The following TSPAN15 variants were observed in gnomAD, a reference collection of about 807,000 sequenced individuals.
The protein encoded by TSPAN15 is tetraspanin-15.
A neutral mutation model predicts 34.5 loss-of-function variants in TSPAN15; 20 were observed. The ratio of observed to expected loss-of-function variants is 0.58; its 90% CI spans 0.41 to 0.84. The LOEUF (loss-of-function observed/expected upper bound fraction) is 0.84, where lower values mean the gene tolerates loss of function less well. TSPAN15 is among the 40% of genes least tolerant of loss of function. The pLI, the probability that TSPAN15 is intolerant of heterozygous loss-of-function variation, is 0.00. For synonymous variants in TSPAN15, 155 were observed against 153.9 expected (o/e 1.01, Z -0.05); for missense variants, 313 against 386.1 (o/e 0.81, Z 1.59).
At chr10:69,466,660 T>G (rs1331317841) in intron 1 of TSPAN15, among the ~76,000 whole-genome samples, 1 of 152,206 alleles carries the variant, frequency 6.6e-6, no homozygotes, top group Non-Finnish European at 1.5e-5. Flanking sequence ...GGCTGGAGTT[T>G]GGGAGACACT....
At chr10:69,519,251 A>AAAT in the TSPAN15 span, among the ~76,000 whole-genome samples, 1 of 152,038 alleles carries the variant, frequency 6.6e-6, no homozygotes, top group Non-Finnish European at 1.5e-5. Flanking sequence ...CTGTCTCTAC[A>AAAT]AATAATAATA....
chr10:69,455,859 C>T (rs574353201), intron 1 of TSPAN15, among the ~76,000 whole-genome samples: 1 of 152,046 alleles, frequency 6.6e-6, no homozygotes, highest in East Asian at 1.9e-4. Context: ...GTACACTGAG[C>T]CCCCAGGTCA....
the TSPAN15 span, among the ~76,000 whole-genome samples, chr10:69,534,970 G>T: frequency 2.0e-5 from 3 of 152,116 alleles, no homozygotes; most frequent in Admixed American, 6.6e-5. Flanking sequence ...GGGTGACAGG[G>T]TGAGATTCTG....
At chr10:69,491,444 G>A (rs1476715590) in intron 3 of TSPAN15, among the ~76,000 whole-genome samples, 1 of 152,182 alleles carries the variant, frequency 6.6e-6, no homozygotes, top group Non-Finnish European at 1.5e-5. Context: ...GCTCATTGCA[G>A]CCTCAGCTCC....
At chr10:69,498,468 C>T in intron 5 of TSPAN15, 72 bp downstream of exon 5, 6 of 1,274,446 alleles carry the variant, frequency 4.7e-6, no homozygotes, top group Non-Finnish European at 6.8e-6. Flanking sequence ...TCTTTTCTCT[C>T]TTCCCAACTT....
downstream of TSPAN15, among the ~76,000 whole-genome samples, chr10:69,508,173 G>A (rs1842375768): frequency 6.6e-6 from 1 of 152,152 alleles, no homozygotes; most frequent in Non-Finnish European, 1.5e-5. Flanking sequence ...GCCGGGCATG[G>A]TGGCTCACGC....
chr10:69,454,552 C>T (rs1028484092), intron 1 of TSPAN15, among the ~76,000 whole-genome samples: 1 of 152,118 alleles, frequency 6.6e-6, no homozygotes, highest in South Asian at 2.1e-4. Flanking sequence ...CATTGTGGCT[C>T]ATGCCTGTAA....
At chr10:69,464,328 C>T (rs943530690) in intron 1 of TSPAN15, among the ~76,000 whole-genome samples, 1 of 151,372 alleles carries the variant, frequency 6.6e-6, no homozygotes, top group South Asian at 2.1e-4. Context: ...AGGGAGGGCC[C>T]TGAGAACCAC....
At chr10:69,542,042 C>T in the TSPAN15 span, among the ~76,000 whole-genome samples, 1 of 152,170 alleles carries the variant, frequency 6.6e-6, no homozygotes. Context: ...TATCGCATTG[C>T]CAGGGTGCAA....
the TSPAN15 span, among the ~76,000 whole-genome samples, chr10:69,544,647 G>T: frequency 6.6e-6 from 1 of 152,174 alleles, no homozygotes; most frequent in Admixed American, 6.5e-5. Context: ...TCCTCTTCCG[G>T]AAAAGAGAGG....
chr10:69,539,756 A>G, the TSPAN15 span, among the ~76,000 whole-genome samples: 3 of 152,082 alleles, frequency 2.0e-5, no homozygotes, highest in African/African-American at 7.2e-5. Context: ...ACCTGTCTCC[A>G]GATTTACCTC....
chr10:69,463,767 G>A (rs986124019), intron 1 of TSPAN15, among the ~76,000 whole-genome samples: 3 of 145,570 alleles, frequency 2.1e-5, no homozygotes, highest in African/African-American at 7.7e-5. Flanking sequence ...CCGAGATGGC[G>A]CTACTGCACT....
At chr10:69,544,928 C>T in the TSPAN15 span, among the ~76,000 whole-genome samples, 19 of 152,296 alleles carry the variant, frequency 1.2e-4, no homozygotes, top group African/African-American at 1.7e-4. Context: ...GGCCACACAG[C>T]GCGCCCCTTT....
chr10:69,531,950 A>C, the TSPAN15 span, among the ~76,000 whole-genome samples: 9,035 of 115,830 alleles, frequency 0.078, 312 homozygotes, highest in East Asian at 0.18. Context: ...CAAAAAAAAA[A>C]CAAAAAAAAA....
the TSPAN15 span, among the ~76,000 whole-genome samples, chr10:69,547,469 T>C: frequency 2.7e-3 from 416 of 152,340 alleles, 2 homozygotes; most frequent in African/African-American, 9.7e-3. Context: ...TTGTTGCTAT[T>C]CTGCCATTTT....
intron 1 of TSPAN15, among the ~76,000 whole-genome samples, chr10:69,474,949 G>T (rs112800678): frequency 6.6e-6 from 1 of 152,256 alleles, no homozygotes; most frequent in Admixed American, 6.5e-5. Flanking sequence ...GGGTCTGGGG[G>T]GGCCTGGCCG....
chr10:69,454,628 G>C (rs911568941), intron 1 of TSPAN15, among the ~76,000 whole-genome samples: 1 of 151,988 alleles, frequency 6.6e-6, no homozygotes, highest in Non-Finnish European at 1.5e-5. Context: ...ACCAGCCTGG[G>C]CAACATGATG....
chr10:69,474,393 CA>C (rs1841571370), intron 1 of TSPAN15, among the ~76,000 whole-genome samples: 1 of 152,162 alleles, frequency 6.6e-6, no homozygotes, highest in Admixed American at 6.5e-5. Flanking sequence ...AACCAGTTCC[CA>C]GACAGGATGG....
chr10:69,516,666 T>C, the TSPAN15 span, among the ~76,000 whole-genome samples: 1 of 152,284 alleles, frequency 6.6e-6, no homozygotes, highest in African/African-American at 2.4e-5. Context: ...CTGCGAGGGC[T>C]CAGCACCCAC....
Sources: allele counts gnomAD v4.1 joint callset (sites outside exome capture counted in the v4.1 genomes callset), GRCh38; gene constraint gnomAD v4.1.1; transcripts MANE v1.5; gene names NCBI Gene and HGNC (gene_info 2026-07-23, HGNC 2026-07-21).